Variants in PCDH9 observed in about 807,000 individuals in gnomAD.
PCDH9 encodes protocadherin-9.
In PCDH9, 24 loss-of-function variants were observed where a neutral mutation model predicts 70.6. The observed-to-expected ratio is 0.34, with a 90% CI of 0.25 to 0.48. PCDH9 has a LOEUF of 0.48. Among genes scored for constraint, PCDH9 ranks in the 20% least tolerant of loss-of-function variants. The probability of loss-of-function intolerance (pLI) is 0.99; values close to 1 mark genes in which losing one functional copy is unlikely to be tolerated. For missense variants in PCDH9, 1,281 were observed against 1,503.6 expected (o/e 0.85, Z 2.45); for synonymous variants, 562 against 558.5 (o/e 1.01, Z -0.09).
chr13:66,998,575 T>G (rs1314601754), intron 2 of PCDH9, among the ~76,000 whole-genome samples: 1 of 152,170 alleles, frequency 6.6e-6, no homozygotes, highest in Non-Finnish European at 1.5e-5. Flanking sequence ...ACTTAGTTGG[T>G]GAAAGAAACA....
chr13:66,898,482 C>T (rs1311253195), intron 3 of PCDH9, among the ~76,000 whole-genome samples: 1 of 151,914 alleles, frequency 6.6e-6, no homozygotes, highest in Non-Finnish European at 1.5e-5. Flanking sequence ...AAGCTGATAT[C>T]AACAAGAACA....
intron 2 of PCDH9, among the ~76,000 whole-genome samples, chr13:66,949,628 G>A (rs1452149661): frequency 6.6e-6 from 1 of 151,896 alleles, no homozygotes; most frequent in East Asian, 1.9e-4. Flanking sequence ...TGATCAGCAA[G>A]AGACCCCCAT....
intron 2 of PCDH9, among the ~76,000 whole-genome samples, chr13:66,995,462 C>T (rs139731179): frequency 1.2e-4 from 18 of 152,110 alleles, no homozygotes; most frequent in African/African-American, 4.3e-4. Flanking sequence ...AAGTGTCCAC[C>T]ACTAAGGGAA....
chr13:66,954,977 A>G (rs973021358), intron 2 of PCDH9, among the ~76,000 whole-genome samples: 3 of 152,088 alleles, frequency 2.0e-5, no homozygotes, highest in Non-Finnish European at 4.4e-5. Flanking sequence ...GTTAGCCAGG[A>G]TGGTCTCGAT....
chr13:66,581,267 A>ACTT (rs571519207), intron 4 of PCDH9, among the ~76,000 whole-genome samples: 23 of 152,262 alleles, frequency 1.5e-4, no homozygotes, highest in Admixed American at 1.2e-3. Flanking sequence ...AAACTTTAAA[A>ACTT]CTTTATTGTC....
chr13:66,749,534 A>G (rs1164152855), intron 3 of PCDH9, among the ~76,000 whole-genome samples: 2 of 152,190 alleles, frequency 1.3e-5, no homozygotes, highest in African/African-American at 2.4e-5. Flanking sequence ...AATTGTATTA[A>G]GAATTCAGTT....
intron 2 of PCDH9, among the ~76,000 whole-genome samples, chr13:67,179,538 C>G (rs905043702): frequency 2.0e-5 from 3 of 152,044 alleles, no homozygotes; most frequent in African/African-American, 7.2e-5. Flanking sequence ...GGGACTATAT[C>G]CTAACAAACC....
intron 2 of PCDH9, among the ~76,000 whole-genome samples, chr13:67,068,280 GTTTAT>G (rs1232810895): frequency 2.6e-5 from 4 of 151,484 alleles, no homozygotes; most frequent in African/African-American, 7.2e-5. Flanking sequence ...TTTATTAAAA[GTTTAT>G]TTTATTATGA....
chr13:66,688,772 C>T (rs2078440936), intron 3 of PCDH9, among the ~76,000 whole-genome samples: 3 of 152,234 alleles, frequency 2.0e-5, no homozygotes, highest in South Asian at 4.1e-4. Context: ...ATAGCACTTG[C>T]ATATTTTCAA....
At chr13:66,453,516 T>C (rs1958256925) in intron 4 of PCDH9, among the ~76,000 whole-genome samples, 1 of 89,698 alleles carries the variant, frequency 1.1e-5, no homozygotes, top group South Asian at 3.4e-4. Context: ...GGCAGACTTG[T>C]TCTTTGTTCC....
At chr13:66,573,248 T>C (rs1403580128) in intron 4 of PCDH9, among the ~76,000 whole-genome samples, 2 of 151,762 alleles carry the variant, frequency 1.3e-5, no homozygotes, top group Admixed American at 6.6e-5. Flanking sequence ...GAAATGTCTA[T>C]TTGGATCATT....
intron 2 of PCDH9, among the ~76,000 whole-genome samples, chr13:66,928,973 C>T (rs952063025): frequency 1.3e-5 from 2 of 152,218 alleles, no homozygotes; most frequent in East Asian, 3.9e-4. Flanking sequence ...TTGACTCCAT[C>T]TGCAATGCTG....
intron 3 of PCDH9, among the ~76,000 whole-genome samples, chr13:66,670,637 A>C (rs531426530): frequency 6.6e-6 from 1 of 152,262 alleles, no homozygotes; most frequent in African/African-American, 2.4e-5. Context: ...AGGAAAGATG[A>C]AAATTGTAGA....
chr13:66,730,248 A>G (rs1593965248), intron 3 of PCDH9, among the ~76,000 whole-genome samples: 1 of 152,130 alleles, frequency 6.6e-6, no homozygotes, highest in African/African-American at 2.4e-5. Context: ...GAAGATATTG[A>G]CAAGCTTTCC....
intron 2 of PCDH9, among the ~76,000 whole-genome samples, chr13:67,055,260 T>C (rs866840776): frequency 6.6e-6 from 1 of 152,222 alleles, no homozygotes; most frequent in African/African-American, 2.4e-5. Flanking sequence ...ATAGATCCTA[T>C]AGGACACATT....
At chr13:66,803,328 C>T (rs569980333) in intron 3 of PCDH9, among the ~76,000 whole-genome samples, 14 of 152,232 alleles carry the variant, frequency 9.2e-5, no homozygotes, top group African/African-American at 3.4e-4. Context: ...ACTGAGACAG[C>T]CAGTAAAGTA....
chr13:66,537,789 T>C (rs528993618), intron 4 of PCDH9, among the ~76,000 whole-genome samples: 13 of 152,206 alleles, frequency 8.5e-5, no homozygotes, highest in Middle Eastern at 3.4e-3. Context: ...AGTCACTAAA[T>C]AGGAAGTGTT....
chr13:66,826,546 A>G (rs528848199), intron 3 of PCDH9, among the ~76,000 whole-genome samples: 9 of 152,314 alleles, frequency 5.9e-5, no homozygotes, highest in Admixed American at 5.2e-4. Context: ...TTTACTCAAT[A>G]TATATTTATG....
intron 2 of PCDH9, among the ~76,000 whole-genome samples, chr13:67,004,294 G>C (rs537734334): frequency 1.3e-5 from 2 of 152,186 alleles, no homozygotes; most frequent in African/African-American, 4.8e-5. Context: ...TTATAGGACA[G>C]TTGTGTTGGC....
Sources: gnomAD v4.1 joint callset for allele counts (sites outside exome capture counted in the v4.1 genomes callset) on GRCh38, gnomAD v4.1.1 for gene constraint, MANE v1.5 for transcripts, NCBI Gene and HGNC (gene_info 2026-07-23, HGNC 2026-07-21) for gene names.